The following IL1RAPL2 variants were observed in gnomAD, a reference collection of about 807,000 sequenced individuals.
IL1RAPL2 encodes X-linked interleukin-1 receptor accessory protein-like 2.
In IL1RAPL2, 3 loss-of-function variants were observed where a neutral mutation model predicts 44.1. The observed-to-expected ratio is 0.07, with a 90% CI of 0.03 to 0.18. IL1RAPL2 has a LOEUF of 0.18. Ranked by LOEUF, IL1RAPL2 falls within the 10% of genes least tolerant of loss-of-function variation. IL1RAPL2 has a pLI of 1.00. For missense variants in IL1RAPL2, 391 were observed against 496.4 expected, an observed-to-expected ratio of 0.79 and a Z score of 2.02; for synonymous variants, 181 against 178.8, an observed-to-expected ratio of 1.01 and a Z score of -0.10.
chrX:105,599,222 T>C lies in IL1RAPL2; in HGVS notation c.772+114835T>C, dbSNP rs138389018. Among the ~76,000 whole-genome samples the C allele has an allele frequency of 1.6e-3, 176 of 112,022 alleles. No homozygotes were observed. The East Asian group carries it at 0.032, about 20-fold the overall frequency. ...AAAGTACAAAGCACTTCCACAAATT[T>C]TGTGGCAAGACAGACTGAATTGCCT... is the stretch of plus-strand genomic sequence containing the variant. On this transcript the variant is annotated intron_variant, in intron 6 of 10. Transcript: ENST00000372582.
At chrX:104,662,658 AG>A in intron 2 of IL1RAPL2, among the ~76,000 whole-genome samples, 1 of 111,135 alleles carries the variant, frequency 9.0e-6, no homozygotes, top group East Asian at 2.9e-4. Context: ...AAGTCACTCA[AG>A]ACCTTCTATT....
At chrX:105,219,606 CTCT>C (rs782570430) in intron 3 of IL1RAPL2, 28 of 1,208,386 alleles carry the variant, frequency 2.3e-5, no homozygotes, top group Middle Eastern at 2.3e-4. Flanking sequence ...CATCCCTCTG[CTCT>C]TCTTCTGCTC....
chrX:105,613,156 C>T (rs945439084), intron 6 of IL1RAPL2, among the ~76,000 whole-genome samples: 1 of 111,688 alleles, frequency 9.0e-6, no homozygotes, highest in African/African-American at 3.3e-5. Flanking sequence ...GATACCGGCT[C>T]AGCCACAGCA....
intron 3 of IL1RAPL2, among the ~76,000 whole-genome samples, chrX:105,228,442 G>A (rs1374275140): frequency 1.8e-5 from 2 of 111,590 alleles, no homozygotes; most frequent in African/African-American, 3.3e-5. Flanking sequence ...TTTTATAAAT[G>A]TGAGTTAGAA....
At chrX:104,809,807 C>T (rs1403995072) in intron 2 of IL1RAPL2, among the ~76,000 whole-genome samples, 1 of 111,506 alleles carries the variant, frequency 9.0e-6, no homozygotes, top group Non-Finnish European at 1.9e-5. Flanking sequence ...CTTGCCCATG[C>T]CTATGTCCTG....
chrX:104,963,144 T>C (rs944463242), intron 2 of IL1RAPL2, among the ~76,000 whole-genome samples: 8 of 111,841 alleles, frequency 7.2e-5, no homozygotes, highest in African/African-American at 2.6e-4. Context: ...GTGGTAACCA[T>C]GGTATTTCAG....
At chrX:104,899,203 A>G (rs1431052228) in intron 2 of IL1RAPL2, among the ~76,000 whole-genome samples, 1 of 111,872 alleles carries the variant, frequency 8.9e-6, no homozygotes, top group Non-Finnish European at 1.9e-5. Context: ...AAGTATGTAA[A>G]GCCCTTGAGA....
At chrX:105,658,435 T>A (rs911115912) in intron 6 of IL1RAPL2, among the ~76,000 whole-genome samples, 1 of 112,278 alleles carries the variant, frequency 8.9e-6, no homozygotes, top group African/African-American at 3.2e-5. Context: ...CTGGAAAGCT[T>A]TCTCAAGAAG....
At chrX:105,406,950 C>T (rs932142304) in intron 5 of IL1RAPL2, 10 of 1,109,137 alleles carry the variant, frequency 9.0e-6, no homozygotes, top group South Asian at 1.8e-5. Flanking sequence ...TATCTGGGTG[C>T]GATCTTCAAG....
At chrX:104,724,443 A>G (rs1355900348) in intron 2 of IL1RAPL2, among the ~76,000 whole-genome samples, 1 of 111,680 alleles carries the variant, frequency 9.0e-6, no homozygotes, top group Non-Finnish European at 1.9e-5. Flanking sequence ...GTGCACATGT[A>G]CCCTAAAACT....
chrX:104,661,451 T>C (rs958297994), intron 2 of IL1RAPL2, among the ~76,000 whole-genome samples: 60 of 111,196 alleles, frequency 5.4e-4, no homozygotes, highest in African/African-American at 2.0e-3. Flanking sequence ...GTATGTTTGT[T>C]TATTGTTTCA....
At chrX:105,398,220 C>G (rs1014768090) in intron 5 of IL1RAPL2, among the ~76,000 whole-genome samples, 10 of 110,704 alleles carry the variant, frequency 9.0e-5, no homozygotes, top group African/African-American at 3.3e-4. Flanking sequence ...ATTTTTGTAC[C>G]TGCTCAGTTC....
intron 5 of IL1RAPL2, among the ~76,000 whole-genome samples, chrX:105,459,286 G>A (rs748395422): frequency 2.7e-5 from 3 of 110,850 alleles, no homozygotes; most frequent in South Asian, 3.8e-4. Context: ...GTGCATGTGC[G>A]TCCATCTGCC....
intron 2 of IL1RAPL2, among the ~76,000 whole-genome samples, chrX:105,068,057 G>C (rs2032160573): frequency 8.9e-6 from 1 of 112,040 alleles, no homozygotes. Context: ...TAAGACACAA[G>C]TCAAACATAT....
At chrX:105,043,739 T>C (rs1265800750) in intron 2 of IL1RAPL2, among the ~76,000 whole-genome samples, 2 of 110,858 alleles carry the variant, frequency 1.8e-5, no homozygotes, top group African/African-American at 6.6e-5. Context: ...CAAGTCTGAG[T>C]TGAAGGGAGG....
chrX:105,572,882 G>T (rs1315622538), intron 6 of IL1RAPL2, among the ~76,000 whole-genome samples: 1 of 111,741 alleles, frequency 8.9e-6, no homozygotes, highest in African/African-American at 3.3e-5. Flanking sequence ...TATTTAGTTT[G>T]CAGTAATTGA....
intron 2 of IL1RAPL2, among the ~76,000 whole-genome samples, chrX:104,994,823 C>T (rs2030720528): frequency 9.0e-6 from 1 of 110,952 alleles, no homozygotes; most frequent in Non-Finnish European, 1.9e-5. Context: ...TGGGAAGACG[C>T]AGAGTTTTTC....
chrX:104,999,245 A>G (rs1602879546), intron 2 of IL1RAPL2, among the ~76,000 whole-genome samples: 1 of 112,089 alleles, frequency 8.9e-6, no homozygotes, highest in African/African-American at 3.2e-5. Context: ...CATTGTAACA[A>G]TAGAAGGCAG....
At chrX:105,037,959 A>G (rs1340669153) in intron 2 of IL1RAPL2, among the ~76,000 whole-genome samples, 3 of 112,003 alleles carry the variant, frequency 2.7e-5, no homozygotes, top group African/African-American at 6.5e-5. Context: ...CAATCCTTTA[A>G]AAGTATTATG....
Sources: allele counts gnomAD v4.1 joint callset (sites outside exome capture counted in the v4.1 genomes callset), GRCh38; gene constraint gnomAD v4.1.1; transcripts MANE v1.5; gene names NCBI Gene and HGNC (gene_info 2026-07-23, HGNC 2026-07-21).